The following RWDD2A variants were observed in gnomAD, a reference collection of about 807,000 sequenced individuals.
The protein encoded by RWDD2A is RWD domain containing 2A.
RWDD2A carries 15 observed loss-of-function variants against 23.1 expected under a neutral mutation model. The ratio of observed to expected loss-of-function variants is 0.65; its 90% CI spans 0.43 to 1.00. The LOEUF is 1.00. Among genes scored for constraint, RWDD2A ranks in the 50% least tolerant of loss-of-function variants. RWDD2A has a pLI of 0.00. For synonymous variants in RWDD2A, 103 were observed against 123.0 expected (o/e 0.84, Z 1.08); for missense variants, 310 against 341.7 (o/e 0.91, Z 0.73).
At position 83,194,471 on chromosome 6, in the gene RWDD2A, A is replaced by C. The variant is rs1051482530; in HGVS notation, c.20A>C (p.Glu7Ala). The change falls in exon 2 of 3, where the codon GAA (glutamate) becomes GCA (alanine). Residue 7 changes from glutamate to alanine, a missense_variant. Coordinates refer to ENST00000369724, the MANE Select transcript of RWDD2A (RefSeq NM_033411.5). ...GGCAACATGTCTGCTTCGGTGAAAG[A>C]AAGCCTTCAGCTTCAGCTACTGGAG... The part of the protein sequence containing the change: MSASVK[E>A]SLQLQLLEME... The C allele has an allele frequency of 6.2e-6, 10 of 1,613,822 alleles. No individual in the cohort carries two copies. The highest frequency in any genetic ancestry group is 4.4e-5 in the South Asian group (4 of 91,050).
rs758239444 is a variant in RWDD2A, at chr6:83,198,666, G to A, written c.*2394G>A. ...TTGTCCTCTGGCAGCCTCCTGGAGAGATGGCTGTGAGCTCTTGCTGCTTAA... is the reference window on the plus strand; with the variant it reads ...TTGTCCTCTGGCAGCCTCCTGGAGAAATGGCTGTGAGCTCTTGCTGCTTAA... On this transcript the variant is annotated 3_prime_UTR_variant, in exon 3 of 3. Transcript: ENST00000369724. 6.6e-5 allele frequency: 10 copies of A among 152,176 alleles called. No individual in the cohort carries two copies. The highest frequency in any genetic ancestry group is 1.3e-4 in the Non-Finnish European group (9 of 68,048). The allele number at this position is 152,176 out of a possible 1,614,324, so 9.4% of individuals were successfully genotyped here.
rs938327079 is a variant in RWDD2A, at chr6:83,197,353, C to T, written c.*1081C>T. On this transcript the variant is annotated 3_prime_UTR_variant, in exon 3 of 3. Coordinates refer to ENST00000369724, the MANE Select transcript of RWDD2A (RefSeq NM_033411.5). ...AAAAAAAAAATCTAATTCTACAGTC[C>T]GATGATGTTACTGCCATCTCCTCTG... is the stretch of plus-strand genomic sequence containing the variant. 6 of 152,280 alleles carry T rather than the reference C, an allele frequency of 3.9e-5. No individual in the cohort carries two copies. In the East Asian group the frequency reaches 1.2e-3, roughly 29 times the overall value. The allele number at this position is 152,280 out of a possible 1,614,324, so 9.4% of individuals were successfully genotyped here.
chr6:83,194,695 A>T lies in RWDD2A; in HGVS notation c.201+43A>T, dbSNP rs372132942. 1.3e-4 allele frequency: 184 copies of T among 1,388,954 alleles called. 1 individual carries two copies. In the African/African-American group the frequency reaches 2.5e-3, roughly 19 times the overall value. 86.0% of individuals were successfully genotyped at this position (1,388,954 alleles called of 1,614,324 possible). On this transcript the variant is annotated intron_variant, in intron 2 of 2. Transcript: ENST00000369724. ...AGTGTTTGCCAGGTGCCCAGTTTTT[A>T]ATTGAAACATCTAGAACATGAGCTT... is the stretch of plus-strand genomic sequence containing the variant.
At position 83,197,964 on chromosome 6, in the gene RWDD2A, C is replaced by T. The variant is rs1187145512; in HGVS notation, c.*1692C>T. Reference sequence around the variant, plus strand: ...TCCAGCTTGCCATTCATGTTTCCATCCTAGCCTTGGTTGTGCTGGAACTCA... The same window carrying T: ...TCCAGCTTGCCATTCATGTTTCCATTCTAGCCTTGGTTGTGCTGGAACTCA... On this transcript the variant is annotated 3_prime_UTR_variant, in exon 3 of 3. Transcript: ENST00000369724. The T allele has an allele frequency of 6.6e-6, 1 of 152,230 alleles. No homozygotes were observed. Among genetic ancestry groups the T allele is most frequent in the East Asian group, 1.9e-4 (1 of 5,184 alleles). 9.4% of individuals were successfully genotyped at this position (152,230 alleles called of 1,614,324 possible). A position where few individuals can be genotyped will look rare whatever the true frequency, so the allele number is the denominator to read the frequency against.
intron 1 of RWDD2A, 66 bp from the exon 2 acceptor site, chr6:83,194,246 T>C (rs1583310917): frequency 1.8e-6 from 1 of 558,634 alleles, no homozygotes; most frequent in Non-Finnish European, 3.2e-6. Context: ...TTAGAGGATG[T>C]TGTGCATACT....
In RWDD2A at chr6:83,196,334, A is replaced by G; in HGVS notation, c.*62A>G. On this transcript the variant is annotated 3_prime_UTR_variant, in exon 3 of 3. Coordinates refer to ENST00000369724, the MANE Select transcript of RWDD2A (RefSeq NM_033411.5). ...AGTCAGTATTTCTGTTAATAAGACC[A>G]AATTAAAAAGGCTAGTGGCTGTGTA... The G allele has an allele frequency of 7.2e-7, 1 of 1,386,394 alleles. No individual in the cohort carries two copies. Among genetic ancestry groups the G allele is most frequent in the East Asian group, 2.3e-5 (1 of 42,820 alleles). The allele number at this position is 1,386,394 out of a possible 1,614,324, so 85.9% of individuals were successfully genotyped here.
chr6:83,193,742 G>C (rs1789392366), intron 1 of RWDD2A: 1 of 153,156 alleles, frequency 6.5e-6, no homozygotes, highest in Non-Finnish European at 1.5e-5. Context: ...AGCCTTCTCC[G>C]GCTGCCGTCT....
In RWDD2A at chr6:83,195,638, A is replaced by G. The variant is rs1415129449; in HGVS notation, c.245A>G (p.Tyr82Cys). The G allele has an allele frequency of 6.2e-7, 1 of 1,614,030 alleles. No homozygotes were observed. The highest frequency in any genetic ancestry group is 8.5e-7 in the Non-Finnish European group (1 of 1,179,982). Residue 82 changes from tyrosine to cysteine, a missense_variant, in exon 3 of 3, where the codon TAT becomes TGT. Coordinates refer to ENST00000369724, the MANE Select transcript of RWDD2A (RefSeq NM_033411.5). ...GTGACCATGCCTCACAGCTACCCCT[A>G]TGTAGCATTGCAGCTGTTTGGACGG... ...LQVTMPHSYP[Y>C]VALQLFGRSS...
chr6:83,195,553 G>A (rs1375745733), intron 2 of RWDD2A, 42 bp from the exon 3 acceptor site: 5 of 1,523,534 alleles, frequency 3.3e-6, no homozygotes, highest in Non-Finnish European at 4.5e-6. Context: ...ACTAGCTTAT[G>A]TGATGTTATG....
chr6:83,194,715 G>A (rs994673144), intron 2 of RWDD2A, 63 bp downstream of exon 2: 2 of 1,188,030 alleles, frequency 1.7e-6, no homozygotes, highest in East Asian at 2.3e-5. Flanking sequence ...TCTAGAACAT[G>A]AGCTTTCTGT....
chr6:83,194,862 TA>T (rs969696974), intron 2 of RWDD2A, among the ~76,000 whole-genome samples: 1 of 152,258 alleles, frequency 6.6e-6, no homozygotes, highest in African/African-American at 2.4e-5. Context: ...CTGGAGTTTT[TA>T]TTGACGCTAT....
In RWDD2A at chr6:83,195,962, G is replaced by T; in HGVS notation, c.569G>T (p.Gly190Val). The part of the protein sequence containing the change: ...RLDVTGFCMT[G>V]KPGIICVEGF... ...GATGTGACTGGATTTTGCATGACAG[G>T]AAAGCCTGGTATAATCTGTGTGGAG... The change falls in exon 3 of 3, where the codon GGA becomes GTA. Residue 190 changes from glycine to valine, a missense_variant. Gly to Val is a moderately radical substitution (Grantham distance 109). Transcript: ENST00000369724. 6.2e-6 allele frequency: 10 copies of T among 1,614,234 alleles called. No individual in the cohort carries two copies. The highest frequency in any genetic ancestry group is 8.5e-6 in the Non-Finnish European group (10 of 1,180,040).
chr6:83,196,001 A>G lies in RWDD2A; in HGVS notation c.608A>G (p.His203Arg), dbSNP rs148073258. The change falls in exon 3 of 3, where the codon CAC (histidine) becomes CGC (arginine). Residue 203 changes from histidine to arginine, a missense_variant. Coordinates refer to ENST00000369724, the MANE Select transcript of RWDD2A (RefSeq NM_033411.5). ...GIICVEGFKE[H>R]CEEFWHTIRY... is the part of the protein sequence containing the mutation. ...ATCTGTGTGGAGGGTTTCAAAGAGC[A>G]CTGTGAGGAGTTCTGGCACACAATT... The G allele has an allele frequency of 1.2e-6, 2 of 1,614,230 alleles. No individual in the cohort carries two copies. Among genetic ancestry groups the G allele is most frequent in the Non-Finnish European group, 1.7e-6 (2 of 1,180,040 alleles).
In RWDD2A at chr6:83,194,653, G is replaced by A. The variant is rs1789482243; in HGVS notation, c.201+1G>A. On this transcript the variant is annotated splice_donor_variant, in intron 2 of 2. Coordinates refer to ENST00000369724, the MANE Select transcript of RWDD2A (RefSeq NM_033411.5). LOFTEE classifies it high-confidence loss of function. Reference sequence around the variant, plus strand: ...TACACTCCAGATTGAAGAGCCCAAGGTAGGTACCCTGATTTAAGTGTTTGC... The same window carrying A: ...TACACTCCAGATTGAAGAGCCCAAGATAGGTACCCTGATTTAAGTGTTTGC... 6.2e-7 allele frequency: 1 copy of A among 1,612,224 alleles called. No homozygotes were observed.
At position 83,195,874 on chromosome 6, in the gene RWDD2A, TAC is replaced by T. The variant is rs766817775; in HGVS notation, c.483_484del (p.Tyr161Ter). 80 of 1,614,114 alleles carry T rather than the reference TAC, an allele frequency of 5.0e-5. No homozygotes were observed. The highest frequency in any genetic ancestry group is 6.5e-5 in the Non-Finnish European group (77 of 1,180,050). ...GAACACATTCCTCCGAATGTGGATC[TAC>T]AGTCACCATATATATCAGCAGGACC... ...VKNTFLRMWI[Y>X]SHHIYQQDLR... On this transcript the variant is annotated frameshift_variant, in exon 3 of 3. Coordinates refer to ENST00000369724, the MANE Select transcript of RWDD2A (RefSeq NM_033411.5). LOFTEE classifies it high-confidence loss of function.
chr6:83,194,351 A>G lies in RWDD2A; in HGVS notation c.-101A>G, dbSNP rs1375657370. On this transcript the variant is annotated 5_prime_UTR_variant, in exon 2 of 3. Coordinates refer to ENST00000369724, the MANE Select transcript of RWDD2A (RefSeq NM_033411.5). ...CGTTCCTGCAGAATTGCTTCCACGT[A>G]AAGGGACCTTCGGGAAATTTCGCTG... 1.1e-5 allele frequency: 11 copies of G among 1,022,514 alleles called. No homozygotes were observed. In the Admixed American group the frequency reaches 2.8e-4, roughly 26 times the overall value. The allele number at this position is 1,022,514 out of a possible 1,614,324, so 63.3% of individuals were successfully genotyped here.
chr6:83,195,959 C>T lies in RWDD2A; in HGVS notation c.566C>T (p.Thr189Ile). The T allele has an allele frequency of 6.2e-7, 1 of 1,614,214 alleles. No individual in the cohort carries two copies. Reference protein sequence around the residue: ...KRLDVTGFCMTGKPGIICVEG... With the variant: ...KRLDVTGFCMIGKPGIICVEG... ...TTAGATGTGACTGGATTTTGCATGA[C>T]AGGAAAGCCTGGTATAATCTGTGTG... is the stretch of plus-strand genomic sequence containing the variant. Residue 189 changes from threonine (T) to isoleucine (I), a missense_variant, in exon 3 of 3, where the codon ACA becomes ATA. Transcript: ENST00000369724.
chr6:83,196,012 TTCTG>T lies in RWDD2A; in HGVS notation c.620_623del (p.Phe207CysfsTer48). 6.2e-7 allele frequency: 1 copy of T among 1,614,102 alleles called. No homozygotes were observed. Among genetic ancestry groups the T allele is most frequent in the Non-Finnish European group, 8.5e-7 (1 of 1,180,008 alleles). ...GGGTTTCAAAGAGCACTGTGAGGAG[TTCTG>T]GCACACAATTAGGTACCCCAATTGG... is the stretch of plus-strand genomic sequence containing the variant. On this transcript the variant is annotated frameshift_variant, in exon 3 of 3. Coordinates refer to ENST00000369724, the MANE Select transcript of RWDD2A (RefSeq NM_033411.5). LOFTEE classifies it high-confidence loss of function.
Position 83,196,115 on chromosome 6 carries a change from C to A in RWDD2A, c.722C>A (p.Ser241Tyr). Residue 241 changes from serine (S) to tyrosine (Y), a missense_variant, in exon 3 of 3, where the codon TCT (serine) becomes TAT (tyrosine). Physicochemically the swap from Ser to Tyr is moderately radical, Grantham distance 144 (BLOSUM62 -2). Coordinates refer to ENST00000369724, the MANE Select transcript of RWDD2A (RefSeq NM_033411.5). The part of the protein sequence containing the change: ...GNGEDLRLFH[S>Y]FEELLLEAHG... ...GGTGAGGACCTGCGCCTTTTCCATT[C>A]TTTTGAAGAGTTACTCCTTGAGGCT... 1.2e-6 allele frequency: 2 copies of A among 1,613,950 alleles called. No homozygotes were observed. The highest frequency in any genetic ancestry group is 1.7e-6 in the Non-Finnish European group (2 of 1,179,926).
Sources: allele counts gnomAD v4.1 joint callset (sites outside exome capture counted in the v4.1 genomes callset), GRCh38; gene constraint gnomAD v4.1.1; transcripts MANE v1.5; gene names NCBI Gene and HGNC (gene_info 2026-07-23, HGNC 2026-07-21).